Variants in GRIP1 observed in about 807,000 individuals in gnomAD.
GRIP1 encodes the protein glutamate receptor-interacting protein 1.
In GRIP1, 45 loss-of-function variants were observed where a neutral mutation model predicts 129.9. The observed-to-expected ratio is 0.35, with a 90% CI of 0.27 to 0.44. The LOEUF (loss-of-function observed/expected upper bound fraction) is 0.44. GRIP1 is among the 20% of genes least tolerant of loss of function. GRIP1 has a pLI of 1.00. For synonymous variants in GRIP1, 530 were observed against 520.8 expected, an observed-to-expected ratio of 1.02 and a Z score of -0.24; for missense variants, 1,196 against 1,396.8, an observed-to-expected ratio of 0.86 and a Z score of 2.29.
rs1313593524 is a variant in GRIP1 at position 66,377,477 on chromosome 12, G to A, written c.2622-192C>T. ...CGAGTAGCTGGGACTACAGGCGCCTGCCACCACGCCTGGCTAATTTTTTTT... is the reference window on the plus strand; with the variant it reads ...CGAGTAGCTGGGACTACAGGCGCCTACCACCACGCCTGGCTAATTTTTTTT... On this transcript the variant is annotated intron_variant, in intron 20 of 24. Coordinates refer to ENST00000359742, the MANE Select transcript of GRIP1 (RefSeq NM_001366722.1). 7.4e-5 allele frequency among the ~76,000 whole-genome samples: 11 copies of A among 149,648 alleles called. 1 individual carries two copies. In the East Asian group the frequency reaches 1.4e-3, roughly 19 times the overall value.
At chr12:67,065,608 G>A (rs1408794413) in intron 1 of GRIP1, among the ~76,000 whole-genome samples, 1 of 152,014 alleles carries the variant, frequency 6.6e-6, no homozygotes, top group Admixed American at 6.5e-5. Flanking sequence ...TAATAAAAAT[G>A]CCAAAAAGTA....
chr12:66,492,982 C>A (rs1210326655), intron 7 of GRIP1, among the ~76,000 whole-genome samples: 12 of 148,290 alleles, frequency 8.1e-5, no homozygotes. Context: ...TGCACTCCAG[C>A]CTGGGTGACA....
intron 1 of GRIP1, among the ~76,000 whole-genome samples, chr12:66,760,316 C>T (rs1419631217): frequency 6.6e-6 from 1 of 152,050 alleles, no homozygotes; most frequent in African/African-American, 2.4e-5. Context: ...TTCAGCAACC[C>T]CCTACTCCTG....
chr12:66,532,773 T>TCACCACCAC (rs368400767), intron 4 of GRIP1, among the ~76,000 whole-genome samples: 11 of 151,582 alleles, frequency 7.3e-5, no homozygotes, highest in African/African-American at 2.4e-4. Flanking sequence ...CTCCTCCACT[T>TCACCACCAC]CACCACCACC....
chr12:66,653,504 A>G (rs1429739516), intron 1 of GRIP1, among the ~76,000 whole-genome samples: 1 of 152,206 alleles, frequency 6.6e-6, no homozygotes, highest in Non-Finnish European at 1.5e-5. Context: ...CTCATGTAGT[A>G]GAATAGAAGC....
chr12:66,443,740 G>A (rs762305431), intron 13 of GRIP1, among the ~76,000 whole-genome samples: 11 of 152,116 alleles, frequency 7.2e-5, no homozygotes, highest in Non-Finnish European at 2.9e-5. Context: ...AAAGGCATGA[G>A]GTACCATGCC....
chr12:66,429,254 G>A (rs1375410099), intron 14 of GRIP1, among the ~76,000 whole-genome samples: 2 of 152,148 alleles, frequency 1.3e-5, no homozygotes, highest in Admixed American at 6.5e-5. Flanking sequence ...AGGTGAAGAC[G>A]ACAGAAAGAG....
At chr12:66,395,648 C>T (rs1425277447) in intron 16 of GRIP1, among the ~76,000 whole-genome samples, 4 of 152,156 alleles carry the variant, frequency 2.6e-5, no homozygotes, top group Non-Finnish European at 5.9e-5. Context: ...CAGCCATTAC[C>T]TCCACTTTCT....
At chr12:66,398,714 T>G (rs986749133) in intron 16 of GRIP1, among the ~76,000 whole-genome samples, 8 of 151,976 alleles carry the variant, frequency 5.3e-5, no homozygotes, top group African/African-American at 1.9e-4. Flanking sequence ...AGAAGTTAAA[T>G]ATTAAGGACT....
intron 1 of GRIP1, among the ~76,000 whole-genome samples, chr12:67,053,782 G>A (rs1303122292): frequency 1.3e-5 from 2 of 151,366 alleles, no homozygotes; most frequent in African/African-American, 4.9e-5. Flanking sequence ...AGGTTGCAAT[G>A]AGCCGAGATC....
At chr12:66,605,675 C>A (rs899967618) in intron 1 of GRIP1, among the ~76,000 whole-genome samples, 1 of 152,142 alleles carries the variant, frequency 6.6e-6, no homozygotes, top group Non-Finnish European at 1.5e-5. Flanking sequence ...ACTTCGGTAA[C>A]TTTAAAACCT....
chr12:66,723,827 C>T (rs1457034564), intron 1 of GRIP1, among the ~76,000 whole-genome samples: 1 of 152,092 alleles, frequency 6.6e-6, no homozygotes, highest in Non-Finnish European at 1.5e-5. Flanking sequence ...GCATAACTAC[C>T]AGATTTGGGG....
At chr12:66,594,781 G>A (rs1482790243) in intron 2 of GRIP1, among the ~76,000 whole-genome samples, 1 of 152,182 alleles carries the variant, frequency 6.6e-6, no homozygotes, top group Non-Finnish European at 1.5e-5. Context: ...GACATGGTAG[G>A]TGATTGCTCA....
chr12:66,756,445 G>A (rs17779865), intron 1 of GRIP1, among the ~76,000 whole-genome samples: 9,332 of 152,260 alleles, frequency 0.061, 365 homozygotes, highest in Middle Eastern at 0.13. Flanking sequence ...ACTCATTGGC[G>A]CAGTGAACCT....
At chr12:66,680,634 A>AT (rs60921818), upstream of GRIP1, among the ~76,000 whole-genome samples, 32,666 of 152,052 alleles carry the variant, frequency 0.21, 3,745 homozygotes, top group Non-Finnish European at 0.25. Flanking sequence ...CCTCCTTGAT[A>AT]TTTTTTTGCT....
chr12:66,664,821 G>A (rs144886027), intron 1 of GRIP1, among the ~76,000 whole-genome samples: 133 of 152,104 alleles, frequency 8.7e-4, no homozygotes, highest in African/African-American at 2.7e-3. Flanking sequence ...ACTTTTAATC[G>A]TTTTGTTTTT....
chr12:66,998,285 AC>A (rs1182600588), intron 1 of GRIP1, among the ~76,000 whole-genome samples: 5 of 152,200 alleles, frequency 3.3e-5, no homozygotes, highest in African/African-American at 9.6e-5. Flanking sequence ...GAAAGGCTGG[AC>A]CACAGAGTTT....
intron 15 of GRIP1, among the ~76,000 whole-genome samples, chr12:66,406,913 G>C (rs1210677130): frequency 1.3e-5 from 2 of 152,148 alleles, no homozygotes; most frequent in Non-Finnish European, 2.9e-5. Context: ...TATGGCCAGA[G>C]TAGCATGAAA....
chr12:66,692,419 T>C (rs1460068864), intron 1 of GRIP1, among the ~76,000 whole-genome samples: 1 of 152,146 alleles, frequency 6.6e-6, no homozygotes, highest in Non-Finnish European at 1.5e-5. Context: ...CTTACAACTC[T>C]TTGATTGCTG....
Sources: allele counts gnomAD v4.1 joint callset (sites outside exome capture counted in the v4.1 genomes callset), GRCh38; gene constraint gnomAD v4.1.1; transcripts MANE v1.5; gene names NCBI Gene and HGNC (gene_info 2026-07-23, HGNC 2026-07-21).